RARB: variants seen among roughly 807,000 people sequenced by gnomAD.
RARB encodes HBV-activated protein.
In RARB, 17 loss-of-function variants were observed where a neutral mutation model predicts 51.9. The observed-to-expected ratio is 0.33, with a 90% CI of 0.22 to 0.49. RARB has a LOEUF of 0.49. Ranked by LOEUF, RARB falls within the 20% of genes least tolerant of loss-of-function variation. RARB has a pLI of 0.99. For synonymous variants in RARB, 215 were observed against 195.4 expected, an observed-to-expected ratio of 1.10 and a Z score of -0.84; for missense variants, 369 against 550.8, an observed-to-expected ratio of 0.67 and a Z score of 3.30.
At chr3:24,953,377 A>C (rs1435831862) in intron 2 of RARB, among the ~76,000 whole-genome samples, 1 of 152,224 alleles carries the variant, frequency 6.6e-6, no homozygotes, top group Non-Finnish European at 1.5e-5. Flanking sequence ...TTATTTTCTA[A>C]AATAAATGGA....
intron 2 of RARB, among the ~76,000 whole-genome samples, chr3:24,897,155 G>A (rs570030734): frequency 2.0e-5 from 3 of 152,284 alleles, no homozygotes; most frequent in African/African-American, 7.2e-5. Context: ...CCTCCATAAA[G>A]CAGGACATTG....
At chr3:25,038,603 G>A (rs1698050868) in intron 2 of RARB, among the ~76,000 whole-genome samples, 1 of 152,094 alleles carries the variant, frequency 6.6e-6, no homozygotes, top group Non-Finnish European at 1.5e-5. Context: ...TCACATAAAA[G>A]TGCAATTTAG....
intron 5 of RARB, among the ~76,000 whole-genome samples, chr3:25,227,189 A>T (rs1702073749): frequency 6.6e-6 from 1 of 152,228 alleles, no homozygotes; most frequent in African/African-American, 2.4e-5. Context: ...CTGAAACGAT[A>T]TTGAAAAATG....
At chr3:25,473,393 G>A (rs534696673) in intron 2 of RARB, among the ~76,000 whole-genome samples, 1 of 152,176 alleles carries the variant, frequency 6.6e-6, no homozygotes, top group East Asian at 1.9e-4. Context: ...GGAAAAGCTG[G>A]GGTTCTGGCA....
chr3:25,095,845 AG>A (rs1261635508), intron 3 of RARB, among the ~76,000 whole-genome samples: 51 of 152,280 alleles, frequency 3.3e-4, no homozygotes, highest in African/African-American at 1.2e-3. Context: ...TGATCTTTGA[AG>A]TTAATGGTGA....
chr3:25,255,638 GA>G (rs149940080), intron 5 of RARB, among the ~76,000 whole-genome samples: 6,215 of 150,812 alleles, frequency 0.041, 141 homozygotes, highest in East Asian at 0.08. Flanking sequence ...TAATATAGGT[GA>G]AAAACAAACT....
intron 1 of RARB, among the ~76,000 whole-genome samples, chr3:25,445,196 C>T (rs979521372): frequency 6.6e-6 from 1 of 152,034 alleles, no homozygotes; most frequent in Non-Finnish European, 1.5e-5. Flanking sequence ...GCAATCTGCC[C>T]GCCTCAGCCT....
intron 2 of RARB, among the ~76,000 whole-genome samples, chr3:24,976,413 A>G (rs1696513052): frequency 6.6e-6 from 1 of 152,162 alleles, no homozygotes; most frequent in African/African-American, 2.4e-5. Context: ...CTGTTTCTCC[A>G]CATCCTCTCC....
chr3:25,118,471 G>C (rs1307254109), intron 3 of RARB, among the ~76,000 whole-genome samples: 1 of 152,092 alleles, frequency 6.6e-6, no homozygotes, highest in Non-Finnish European at 1.5e-5. Context: ...ATGCCAAAAG[G>C]AAAGACCACT....
chr3:25,509,691 G>A (rs2125618544), intron 3 of RARB, among the ~76,000 whole-genome samples: 1 of 152,210 alleles, frequency 6.6e-6, no homozygotes, highest in East Asian at 1.9e-4. Context: ...CAACTCCATG[G>A]AGAAAACTGA....
At chr3:25,553,123 A>G (rs1404681399) in intron 3 of RARB, among the ~76,000 whole-genome samples, 1 of 151,600 alleles carries the variant, frequency 6.6e-6, no homozygotes, top group African/African-American at 2.4e-5. Flanking sequence ...TTTTAGTTCT[A>G]TAGAGATGAT....
intron 1 of RARB, among the ~76,000 whole-genome samples, chr3:24,850,770 T>G (rs1702544995): frequency 6.6e-6 from 1 of 152,208 alleles, no homozygotes; most frequent in South Asian, 2.1e-4. Context: ...ACTGTTCAAA[T>G]GCAGATTCTG....
intron 5 of RARB, among the ~76,000 whole-genome samples, chr3:25,389,598 C>A (rs550653263): frequency 6.6e-6 from 1 of 152,210 alleles, no homozygotes; most frequent in Admixed American, 6.5e-5. Context: ...AGAGGGCCAG[C>A]GCAGAGAACT....
At chr3:24,876,398 G>A (rs1703043276) in intron 2 of RARB, among the ~76,000 whole-genome samples, 1 of 152,024 alleles carries the variant, frequency 6.6e-6, no homozygotes, top group Non-Finnish European at 1.5e-5. Flanking sequence ...ACAATTAAGA[G>A]ATGCTCTCTG....
At chr3:24,927,026 G>A (rs778582816) in intron 2 of RARB, among the ~76,000 whole-genome samples, 6 of 152,078 alleles carry the variant, frequency 3.9e-5, no homozygotes, top group Non-Finnish European at 8.8e-5. Context: ...GGAGAAGAAT[G>A]GTTTCCTGTC....
In RARB at chr3:24,949,606, T is replaced by C. The variant is rs116085474; in HGVS notation, c.-380+90854T>C. 7.0e-3 allele frequency among the ~76,000 whole-genome samples: 1,073 copies of C among 152,360 alleles called. 16 individuals carry two copies. Among genetic ancestry groups the C allele is most frequent in the African/African-American group, 0.025 (1,021 of 41,586 alleles). ...GAGGCGAGAATATGTATTTCTTGAA[T>C]CCTTTGATTGTATTGAAAACAAAAT... On this transcript the variant is annotated intron_variant, in intron 2 of 11. Coordinates refer to the RARB transcript ENST00000383772.
chr3:24,900,838 TG>T (rs1380199437), intron 2 of RARB, among the ~76,000 whole-genome samples: 2 of 152,154 alleles, frequency 1.3e-5, no homozygotes, highest in Non-Finnish European at 2.9e-5. Context: ...AGGGAAAAGT[TG>T]GGTGATTATA....
chr3:25,493,674 G>C (rs1227473937), intron 2 of RARB, among the ~76,000 whole-genome samples: 1 of 152,174 alleles, frequency 6.6e-6, no homozygotes, highest in Non-Finnish European at 1.5e-5. Flanking sequence ...AACTTTGCAT[G>C]GGATAGAAAT....
At chr3:25,013,359 C>G (rs1010077479) in intron 2 of RARB, among the ~76,000 whole-genome samples, 2 of 152,098 alleles carry the variant, frequency 1.3e-5, no homozygotes, top group African/African-American at 4.8e-5. Context: ...TCCATGTTCT[C>G]TTCCATCACA....
Sources: gnomAD v4.1 joint callset for allele counts (sites outside exome capture counted in the v4.1 genomes callset) on GRCh38, gnomAD v4.1.1 for gene constraint, MANE v1.5 for transcripts, NCBI Gene and HGNC (gene_info 2026-07-23, HGNC 2026-07-21) for gene names.